Variants in MAP3K5 observed in about 807,000 individuals in gnomAD.
MAP3K5 encodes the protein ASK-1.
A neutral mutation model predicts 158.7 loss-of-function variants in MAP3K5; 56 were observed. The ratio of observed to expected loss-of-function variants is 0.35; its 90% confidence interval spans 0.28 to 0.44. The LOEUF is 0.44. Ranked by LOEUF, MAP3K5 falls within the 20% of genes least tolerant of loss-of-function variation. The pLI is 1.00. For missense variants in MAP3K5, 1,294 were observed against 1,674.8 expected (o/e 0.77, Z 3.97); for synonymous variants, 579 against 601.7 (o/e 0.96, Z 0.55).
chr6:136,776,780 T>A (rs1417382651), intron 1 of MAP3K5, among the ~76,000 whole-genome samples: 1 of 152,194 alleles, frequency 6.6e-6, no homozygotes, highest in Non-Finnish European at 1.5e-5. Context: ...GTAAGTTAAA[T>A]GGTAATCAAG....
At chr6:136,693,637 C>T (rs1035196459) in intron 7 of MAP3K5, among the ~76,000 whole-genome samples, 1 of 151,806 alleles carries the variant, frequency 6.6e-6, no homozygotes, top group African/African-American at 2.4e-5. Context: ...ATCTTTTCAT[C>T]TATTTATCCC....
At chr6:136,746,509 C>T (rs986774006) in intron 1 of MAP3K5, among the ~76,000 whole-genome samples, 10 of 151,964 alleles carry the variant, frequency 6.6e-5, no homozygotes, top group African/African-American at 2.2e-4. Flanking sequence ...GAAAGAATGC[C>T]GGATACACAA....
intron 25 of MAP3K5, among the ~76,000 whole-genome samples, chr6:136,571,109 C>T (rs531861349): frequency 2.0e-5 from 3 of 152,120 alleles, no homozygotes; most frequent in Non-Finnish European, 4.4e-5. Flanking sequence ...TCCAAGACCT[C>T]CCATGGACCA....
chr6:136,756,010 C>G (rs1582648545), intron 1 of MAP3K5, among the ~76,000 whole-genome samples: 1 of 151,986 alleles, frequency 6.6e-6, no homozygotes, highest in East Asian at 1.9e-4. Context: ...AGAAATGGAG[C>G]TAAGGAGAGA....
intron 1 of MAP3K5, among the ~76,000 whole-genome samples, chr6:136,772,278 G>A (rs1202375922): frequency 6.6e-6 from 1 of 152,074 alleles, no homozygotes; most frequent in African/African-American, 2.4e-5. Flanking sequence ...TAATTCTCTA[G>A]CATATTAAGT....
At chr6:136,775,365 C>A (rs982633124) in intron 1 of MAP3K5, among the ~76,000 whole-genome samples, 1 of 152,130 alleles carries the variant, frequency 6.6e-6, no homozygotes, top group Non-Finnish European at 1.5e-5. Flanking sequence ...TTCTCATAGA[C>A]TAAATATTAA....
chr6:136,656,269 T>C, intron 10 of MAP3K5, 38 bp downstream of exon 10: 1 of 1,588,292 alleles, frequency 6.3e-7, no homozygotes, highest in Non-Finnish European at 8.6e-7. Context: ...GTTCTTTAAA[T>C]AAAGAAATGT....
chr6:136,770,385 C>G (rs1386519509), intron 1 of MAP3K5, among the ~76,000 whole-genome samples: 3 of 152,104 alleles, frequency 2.0e-5, no homozygotes, highest in Non-Finnish European at 4.4e-5. Flanking sequence ...ATACAAATAA[C>G]TGATATATTT....
intron 12 of MAP3K5, among the ~76,000 whole-genome samples, chr6:136,640,999 T>A (rs182113519): frequency 1.3e-5 from 2 of 152,218 alleles, no homozygotes; most frequent in African/African-American, 4.8e-5. Context: ...CTACCATACC[T>A]AATTAAAGAA....
intron 8 of MAP3K5, among the ~76,000 whole-genome samples, chr6:136,667,162 CTTGAG>C (rs1031541885): frequency 5.8e-4 from 88 of 152,012 alleles, no homozygotes; most frequent in African/African-American, 1.9e-3. Context: ...AAAACCTCAC[CTTGAG>C]TTAAGAACAG....
chr6:136,699,442 C>G (rs1780750578), intron 3 of MAP3K5, among the ~76,000 whole-genome samples: 1 of 152,184 alleles, frequency 6.6e-6, no homozygotes, highest in African/African-American at 2.4e-5. Flanking sequence ...TCACTTCCCA[C>G]AGCTGCTTAA....
intron 1 of MAP3K5, among the ~76,000 whole-genome samples, chr6:136,786,379 CAAAAAA>C (rs11398691): frequency 1.2e-5 from 1 of 81,008 alleles, no homozygotes; most frequent in African/African-American, 4.8e-5. Flanking sequence ...AACTCCATCT[CAAAAAA>C]AAAAAAAAAA....
At chr6:136,630,787 G>C (rs1020020081) in intron 14 of MAP3K5, among the ~76,000 whole-genome samples, 2 of 152,170 alleles carry the variant, frequency 1.3e-5, no homozygotes, top group Non-Finnish European at 2.9e-5. Flanking sequence ...GCTGTTTAGG[G>C]AGCCAATTCT....
intron 3 of MAP3K5, among the ~76,000 whole-genome samples, chr6:136,700,692 C>A (rs1260537810): frequency 6.6e-6 from 1 of 151,936 alleles, no homozygotes; most frequent in Non-Finnish European, 1.5e-5. Context: ...GTGAAAATGT[C>A]CAAAAGAGAG....
At position 136,656,386 on chromosome 6, in the gene MAP3K5, GCCA is replaced by G; in HGVS notation, c.1598_1600del (p.Val533del). The G allele has an allele frequency of 6.2e-7, 1 of 1,612,466 alleles. No homozygotes were observed. The highest frequency in any genetic ancestry group is 8.5e-7 in the Non-Finnish European group (1 of 1,178,574). On this transcript the variant is annotated inframe_deletion, in exon 10 of 30. Coordinates refer to ENST00000359015, the MANE Select transcript of MAP3K5 (RefSeq NM_005923.4). The stretch of plus-strand genomic sequence containing the variant: ...CCAAAAGTCCACAAGTTCTTGCTTG[GCCA>G]CAGGCTGTTCTGTGGTCAGTTTCAC...
chr6:136,770,149 C>A (rs1784139228), intron 1 of MAP3K5, among the ~76,000 whole-genome samples: 1 of 151,958 alleles, frequency 6.6e-6, no homozygotes, highest in Non-Finnish European at 1.5e-5. Context: ...TTTTTTGAGA[C>A]AGAGACCATG....
chr6:136,685,121 TG>T (rs1780091755), intron 7 of MAP3K5, among the ~76,000 whole-genome samples: 1 of 151,274 alleles, frequency 6.6e-6, no homozygotes. Flanking sequence ...AGGATCAGCC[TG>T]GGCAACATAG....
chr6:136,759,881 TTGG>T (rs1783674452), intron 1 of MAP3K5, among the ~76,000 whole-genome samples: 1 of 151,416 alleles, frequency 6.6e-6, no homozygotes, highest in Admixed American at 6.6e-5. Flanking sequence ...CTTATAGGTT[TTGG>T]GATAGGCGGT....
At chr6:136,788,215 T>C (rs1010545520) in intron 1 of MAP3K5, among the ~76,000 whole-genome samples, 8 of 152,182 alleles carry the variant, frequency 5.3e-5, no homozygotes, top group African/African-American at 1.9e-4. Context: ...CAATAAATGG[T>C]GCTGGCTAGC....
Sources: allele counts gnomAD v4.1 joint callset (sites outside exome capture counted in the v4.1 genomes callset), GRCh38; gene constraint gnomAD v4.1.1; transcripts MANE v1.5; gene names NCBI Gene and HGNC (gene_info 2026-07-23, HGNC 2026-07-21).